Variants in TRPM7 observed in about 807,000 individuals in gnomAD.
TRPM7 encodes LTRPC ion channel family member 7.
In TRPM7, 134 loss-of-function variants were observed where a neutral mutation model predicts 229.7. That is an observed-to-expected ratio of 0.58 (90% CI 0.51 to 0.67). TRPM7 has a LOEUF of 0.67. Among genes scored for constraint, TRPM7 ranks in the 30% least tolerant of loss-of-function variants. The pLI is 0.00. For missense variants in TRPM7, 1,901 were observed against 2,210.0 expected, an observed-to-expected ratio of 0.86 and a Z score of 2.80; for synonymous variants, 699 against 715.2, an observed-to-expected ratio of 0.98 and a Z score of 0.36.
intron 4 of TRPM7, among the ~76,000 whole-genome samples, chr15:50,643,946 G>T (rs1280234675): frequency 1.3e-5 from 2 of 152,120 alleles, no homozygotes; most frequent in Non-Finnish European, 2.9e-5. Flanking sequence ...AAGGAATTAG[G>T]GGGGAAAAAT....
chr15:50,625,302 G>A (rs1035997806), intron 11 of TRPM7, among the ~76,000 whole-genome samples: 1 of 152,012 alleles, frequency 6.6e-6, no homozygotes, highest in Non-Finnish European at 1.5e-5. Context: ...TCTATCTTCA[G>A]AGGTTTAACA....
intron 3 of TRPM7, among the ~76,000 whole-genome samples, chr15:50,657,095 G>A (rs879768220): frequency 2.6e-5 from 4 of 152,060 alleles, no homozygotes; most frequent in African/African-American, 7.2e-5. Context: ...AGGCCGAGGC[G>A]GGTGGATCAC....
At chr15:50,636,025 G>C (rs1408184024) in intron 7 of TRPM7, among the ~76,000 whole-genome samples, 1 of 151,266 alleles carries the variant, frequency 6.6e-6, no homozygotes, top group African/African-American at 2.4e-5. Context: ...ATTGATGACA[G>C]AATTACATAA....
chr15:50,639,620 G>A, intron 5 of TRPM7, 72 bp from the exon 6 acceptor site: 10 of 1,420,042 alleles, frequency 7.0e-6, no homozygotes, highest in Non-Finnish European at 9.6e-6. Context: ...AGGAAAGAGA[G>A]CAGTGGCGCA....
At chr15:50,576,810 A>C (rs887824907) in intron 31 of TRPM7, among the ~76,000 whole-genome samples, 1 of 152,218 alleles carries the variant, frequency 6.6e-6, no homozygotes, top group African/African-American at 2.4e-5. Flanking sequence ...GGGAATATCA[A>C]ATTGTTAAGA....
chr15:50,640,419 G>A (rs2061061455), intron 5 of TRPM7, among the ~76,000 whole-genome samples: 1 of 151,450 alleles, frequency 6.6e-6, no homozygotes, highest in Non-Finnish European at 1.5e-5. Context: ...TAGGAGGGTA[G>A]GCACATACCA....
chr15:50,613,946 C>A, intron 14 of TRPM7, 105 bp from the exon 15 acceptor site: 7 of 1,401,572 alleles, frequency 5.0e-6, no homozygotes, highest in Non-Finnish European at 6.8e-6. Flanking sequence ...TGTGTACACA[C>A]ACAAAATATG....
At chr15:50,570,791 G>A (rs915523472) in intron 36 of TRPM7, among the ~76,000 whole-genome samples, 1 of 151,294 alleles carries the variant, frequency 6.6e-6, no homozygotes, top group African/African-American at 2.4e-5. Flanking sequence ...GGAGGCGGAG[G>A]TTGCAGTGAG....
At chr15:50,581,048 CAAT>C in intron 29 of TRPM7, 140 bp from the exon 30 acceptor site, 1 of 663,308 alleles carries the variant, frequency 1.5e-6, no homozygotes, top group Non-Finnish European at 2.4e-6. Context: ...TTTCATAAAA[CAAT>C]AAATTTATTT....
chr15:50,563,433 G>A (rs2053420322), intron 38 of TRPM7, among the ~76,000 whole-genome samples: 1 of 152,222 alleles, frequency 6.6e-6, no homozygotes, highest in Non-Finnish European at 1.5e-5. Flanking sequence ...TGATGACTAT[G>A]AAAACTCTTG....
Position 50,592,048 on chromosome 15 carries a change from G to T in TRPM7, c.4187C>A (p.Ser1396Tyr), listed in dbSNP as rs370721732. The T allele has an allele frequency of 2.5e-5, 41 of 1,613,370 alleles. No homozygotes were observed. Among genetic ancestry groups the T allele is most frequent in the Non-Finnish European group, 3.3e-5 (39 of 1,179,796 alleles). ...ACTAACAAAAAATTTGGTTGGTGGG[G>T]ATGACAGATGTGGTATGCTAGTAGA... ...SSSTSIPHLS[S>Y]PPTKFFVSTP... The change falls in exon 26 of 39, where the codon TCC (serine) becomes TAC (tyrosine). Residue 1396 changes from serine to tyrosine, a missense_variant. Transcript: ENST00000646667.
intron 28 of TRPM7, among the ~76,000 whole-genome samples, chr15:50,584,154 A>T (rs1220054015): frequency 1.3e-5 from 2 of 152,018 alleles, no homozygotes; most frequent in Non-Finnish European, 2.9e-5. Flanking sequence ...AAATCAACTT[A>T]GAGAAAGCTT....
intron 1 of TRPM7, among the ~76,000 whole-genome samples, chr15:50,679,324 A>G (rs1405380761): frequency 1.4e-5 from 2 of 145,552 alleles, no homozygotes; most frequent in African/African-American, 5.0e-5. Flanking sequence ...AACAGAGCAA[A>G]ACACTATCCA....
chr15:50,684,270 A>T (rs1435202847), intron 1 of TRPM7, among the ~76,000 whole-genome samples: 1 of 151,638 alleles, frequency 6.6e-6, no homozygotes, highest in Non-Finnish European at 1.5e-5. Context: ...CTCCTGCCTT[A>T]GCCTCCTGAG....
chr15:50,679,987 AC>A (rs1404250740), intron 1 of TRPM7, among the ~76,000 whole-genome samples: 8 of 150,980 alleles, frequency 5.3e-5, no homozygotes, highest in Non-Finnish European at 7.4e-5. Context: ...TAATCCCAGC[AC>A]TTTGGGGGGC....
intron 3 of TRPM7, among the ~76,000 whole-genome samples, chr15:50,652,125 G>A (rs771856743): frequency 1.3e-5 from 2 of 151,408 alleles, no homozygotes; most frequent in Non-Finnish European, 2.9e-5. Context: ...TTGAGGTCAG[G>A]AGTTCGAGAC....
chr15:50,628,289 T>G, intron 10 of TRPM7, 40 bp from the exon 11 acceptor site: 6 of 1,424,390 alleles, frequency 4.2e-6, no homozygotes, highest in Non-Finnish European at 5.9e-6. Flanking sequence ...TTCAATTAAT[T>G]TATCTCCATT....
chr15:50,610,079 T>G, intron 17 of TRPM7, 118 bp from the exon 18 acceptor site: 1 of 794,920 alleles, frequency 1.3e-6, no homozygotes, highest in Non-Finnish European at 1.9e-6. Flanking sequence ...ATTAGCCATT[T>G]TGCCCCTAGC....
intron 1 of TRPM7, among the ~76,000 whole-genome samples, chr15:50,678,395 G>C (rs1462202227): frequency 4.6e-5 from 7 of 151,076 alleles, no homozygotes; most frequent in African/African-American, 7.3e-5. Flanking sequence ...AATAAGACTA[G>C]CCTAAAGCAA....
Sources: gnomAD v4.1 joint callset for allele counts (sites outside exome capture counted in the v4.1 genomes callset) on GRCh38, gnomAD v4.1.1 for gene constraint, MANE v1.5 for transcripts, NCBI Gene and HGNC (gene_info 2026-07-23, HGNC 2026-07-21) for gene names.